Variants in ADGRL3 observed in about 807,000 individuals in gnomAD.
ADGRL3 encodes adhesion G protein-coupled receptor L3, also known as calcium-independent alpha-latrotoxin receptor 3.
A neutral mutation model predicts 153.5 loss-of-function variants in ADGRL3; 62 were observed. The observed-to-expected ratio is 0.40, with a 90% CI of 0.33 to 0.50. The LOEUF is 0.50. Among genes scored for constraint, ADGRL3 ranks in the 20% least tolerant of loss-of-function variants. The pLI, the probability that ADGRL3 is intolerant of heterozygous loss-of-function variation, is 0.47. For synonymous variants in ADGRL3, 710 were observed against 672.5 expected (o/e 1.06, Z -0.86); for missense variants, 1,641 against 1,859.4 (o/e 0.88, Z 2.16).
chr4:61,575,523 A>G lies in ADGRL3; in HGVS notation c.260-11704A>G, dbSNP rs78731791. Among the ~76,000 whole-genome samples the G allele has an allele frequency of 5.7e-3, 866 of 151,944 alleles. 7 individuals are homozygous for G. The highest frequency in any genetic ancestry group is 0.02 in the African/African-American group (832 of 41,502). On this transcript the variant is annotated intron_variant, in intron 4 of 26. Coordinates refer to ENST00000683033, the MANE Select transcript of ADGRL3 (RefSeq NM_001387552.1). ...GACATTTTGGGGTTATTTAAATGTTATGTATTTATTGATTTTTAATGTTTA... is the reference window on the plus strand; with the variant it reads ...GACATTTTGGGGTTATTTAAATGTTGTGTATTTATTGATTTTTAATGTTTA...
At chr4:61,531,992 T>C (rs749042529) in intron 4 of ADGRL3, among the ~76,000 whole-genome samples, 3 of 152,218 alleles carry the variant, frequency 2.0e-5, no homozygotes, top group Non-Finnish European at 4.4e-5. Flanking sequence ...AAGGATCATT[T>C]TGGTTCTCTG....
At chr4:61,997,185 T>C (rs2099124646) in intron 20 of ADGRL3, among the ~76,000 whole-genome samples, 1 of 141,478 alleles carries the variant, frequency 7.1e-6, no homozygotes, top group Non-Finnish European at 1.5e-5. Context: ...ATCAAACACA[T>C]CAACAAATAC....
intron 1 of ADGRL3, among the ~76,000 whole-genome samples, chr4:61,208,858 CACA>C (rs1560356471): frequency 6.6e-6 from 1 of 152,042 alleles, no homozygotes; most frequent in East Asian, 1.9e-4. Flanking sequence ...ATCTAAGCAC[CACA>C]ACAAGCCATT....
intron 4 of ADGRL3, among the ~76,000 whole-genome samples, chr4:61,583,244 A>C (rs1412282518): frequency 6.6e-6 from 1 of 151,998 alleles, no homozygotes; most frequent in Non-Finnish European, 1.5e-5. Context: ...GACCAAGAGG[A>C]GTCACCTGAC....
chr4:61,790,082 T>A (rs1233318643), intron 8 of ADGRL3, among the ~76,000 whole-genome samples: 2 of 152,240 alleles, frequency 1.3e-5, no homozygotes, highest in Non-Finnish European at 2.9e-5. Context: ...TCACTGTTTT[T>A]ATAGCAAAGT....
intron 21 of ADGRL3, among the ~76,000 whole-genome samples, chr4:61,999,794 A>G (rs2099134212): frequency 6.6e-6 from 1 of 152,198 alleles, no homozygotes; most frequent in Non-Finnish European, 1.5e-5. Flanking sequence ...TGTTGAAGGA[A>G]TTATTTGTCT....
rs1190618911 is a variant in ADGRL3, at chr4:61,869,936, T to TAAAAAAAAAAAAAAAAAAAAAAAAA, written c.1481-22719_1481-22695dup. On this transcript the variant is annotated intron_variant, in intron 9 of 26. Transcript: ENST00000683033. Reference sequence around the variant, plus strand: ...CTGGGCAACAAGAGCAAAACTTTGTTAAAAAAAAAAAAAAAAAAAAAAAAA... The same window carrying TAAAAAAAAAAAAAAAAAAAAAAAAA: ...CTGGGCAACAAGAGCAAAACTTTGTTAAAAAAAAAAAAAAAAAAAAAAAAAAAAAAAAAAAAAAAAAAAAAAAAAA... Among the ~76,000 whole-genome samples the TAAAAAAAAAAAAAAAAAAAAAAAAA allele has an allele frequency of 4.8e-4, 5 of 10,506 alleles. 1 individual carries two copies. Among genetic ancestry groups the TAAAAAAAAAAAAAAAAAAAAAAAAA allele is most frequent in the Non-Finnish European group, 1.0e-3 (4 of 3,912 alleles). 6.9% of individuals were successfully genotyped at this position (10,506 alleles called of 152,430 possible). A position where few individuals can be genotyped will look rare whatever the true frequency, so the allele number is the denominator to read the frequency against.
At chr4:61,893,125 TTCTC>T (rs964394344) in intron 10 of ADGRL3, among the ~76,000 whole-genome samples, 167 bp downstream of exon 10, 8 of 150,474 alleles carry the variant, frequency 5.3e-5, no homozygotes, top group African/African-American at 1.7e-4. Context: ...CTTTCTCTCT[TTCTC>T]TCTTTCTTTC....
At chr4:61,544,199 A>C (rs1330360487) in intron 4 of ADGRL3, among the ~76,000 whole-genome samples, 3 of 152,200 alleles carry the variant, frequency 2.0e-5, no homozygotes, top group African/African-American at 7.2e-5. Context: ...TGCACCAGTG[A>C]GTCAGCTCCC....
chr4:62,032,877 G>A (rs2151525162), intron 23 of ADGRL3, among the ~76,000 whole-genome samples: 1 of 151,600 alleles, frequency 6.6e-6, no homozygotes, highest in Admixed American at 6.6e-5. Context: ...GTAGGTTACA[G>A]AAAAGAAAAG....
At chr4:61,563,339 T>A (rs975512767) in intron 4 of ADGRL3, among the ~76,000 whole-genome samples, 2 of 152,166 alleles carry the variant, frequency 1.3e-5, no homozygotes, top group Admixed American at 6.5e-5. Context: ...ACAGATGTGC[T>A]GTCATTCAGG....
At chr4:61,317,399 A>G (rs528148440) in intron 1 of ADGRL3, among the ~76,000 whole-genome samples, 1 of 152,320 alleles carries the variant, frequency 6.6e-6, no homozygotes, top group African/African-American at 2.4e-5. Flanking sequence ...CCAAAGATCA[A>G]TAGGATCTTT....
rs535416275 is a variant in ADGRL3 at position 61,862,029 on chromosome 4, A to G, written c.1481-30627A>G. Among the ~76,000 whole-genome samples, 26 of 152,218 alleles carry G rather than the reference A, an allele frequency of 1.7e-4. 1 individual carries two copies. The highest frequency in any genetic ancestry group is 3.1e-4 in the Non-Finnish European group (21 of 68,042). ...CCTTTTTTACATAGCTTTGCAAGTCATATAGCATCACTTTGGGAACATTCT... is the reference window on the plus strand; with the variant it reads ...CCTTTTTTACATAGCTTTGCAAGTCGTATAGCATCACTTTGGGAACATTCT... On this transcript the variant is annotated intron_variant, in intron 9 of 26. Transcript: ENST00000683033.
At chr4:61,752,549 A>C in intron 8 of ADGRL3, among the ~76,000 whole-genome samples, 1 of 152,156 alleles carries the variant, frequency 6.6e-6, no homozygotes, top group Non-Finnish European at 1.5e-5. Flanking sequence ...GTATTTGGAG[A>C]GTACTTCTTA....
rs570078867 is a variant in ADGRL3, at chr4:61,316,973, A to G, written c.-239-66151A>G. Among the ~76,000 whole-genome samples, 7 of 152,352 alleles carry G rather than the reference A, an allele frequency of 4.6e-5. No homozygotes were observed. The South Asian group carries it at 1.4e-3, about 32-fold the overall frequency. On this transcript the variant is annotated intron_variant, in intron 1 of 26. Coordinates refer to ENST00000683033, the MANE Select transcript of ADGRL3 (RefSeq NM_001387552.1). The stretch of plus-strand genomic sequence containing the variant: ...CTTCCTGATAATACAGAAATTGAAC[A>G]TAGAAATTGATTTCTTTTAAGCCTT...
intron 12 of ADGRL3, 25 bp downstream of exon 12, chr4:61,909,770 T>A (rs1441688111): frequency 8.1e-7 from 1 of 1,232,350 alleles, no homozygotes; most frequent in Non-Finnish European, 1.1e-6. Flanking sequence ...TATGTGTGTG[T>A]GTGTGTGTGT....
chr4:61,411,790 T>G (rs2097091119), intron 2 of ADGRL3, among the ~76,000 whole-genome samples: 1 of 152,166 alleles, frequency 6.6e-6, no homozygotes, highest in South Asian at 2.1e-4. Context: ...TTACTAGATG[T>G]CAGGAAATAC....
At chr4:62,052,437 A>G (rs988952481) in intron 25 of ADGRL3, among the ~76,000 whole-genome samples, 3 of 151,384 alleles carry the variant, frequency 2.0e-5, no homozygotes, top group Admixed American at 6.6e-5. Context: ...GTTTTTTTAG[A>G]GTGGATTCTT....
intron 5 of ADGRL3, among the ~76,000 whole-genome samples, chr4:61,666,541 A>C (rs2094801456): frequency 5.8e-5 from 1 of 17,332 alleles, no homozygotes; most frequent in African/African-American, 1.5e-4. Flanking sequence ...TCTGTCCCAG[A>C]TGAAAAAAAA....
Sources: gnomAD v4.1 joint callset for allele counts (sites outside exome capture counted in the v4.1 genomes callset) on GRCh38, gnomAD v4.1.1 for gene constraint, MANE v1.5 for transcripts, NCBI Gene and HGNC (gene_info 2026-07-23, HGNC 2026-07-21) for gene names.